Variants in FHIT observed in about 807,000 individuals in gnomAD.
FHIT encodes the protein fragile histidine triad diadenosine triphosphatase, also known as bis(5'-adenosyl)-triphosphatase.
A neutral mutation model predicts 17.9 loss-of-function variants in FHIT; 19 were observed. The ratio of observed to expected loss-of-function variants is 1.06; its 90% CI spans 0.74 to 1.56. The LOEUF (loss-of-function observed/expected upper bound fraction) is 1.56, where lower values mean the gene tolerates loss of function less well. Ranked by LOEUF, FHIT falls within the 40% of genes most tolerant of loss-of-function variation. The pLI, the probability that FHIT is intolerant of heterozygous loss-of-function variation, is 0.00. For missense variants in FHIT, 248 were observed against 189.2 expected, an observed-to-expected ratio of 1.31 and a Z score of -1.82; for synonymous variants, 81 against 69.7, an observed-to-expected ratio of 1.16 and a Z score of -0.81.
intron 8 of FHIT, among the ~76,000 whole-genome samples, chr3:59,849,992 G>C (rs577678303): frequency 5.3e-5 from 8 of 152,166 alleles, no homozygotes; most frequent in African/African-American, 1.9e-4. Flanking sequence ...GTCATGCTGG[G>C]TTTTTTTCCA....
At chr3:59,771,406 A>G (rs1211055560) in intron 8 of FHIT, among the ~76,000 whole-genome samples, 1 of 152,214 alleles carries the variant, frequency 6.6e-6, no homozygotes, top group East Asian at 1.9e-4. Context: ...TTCTCCAAGA[A>G]TATCTCCTGG....
At chr3:61,023,351 A>G (rs2032557767) in intron 3 of FHIT, among the ~76,000 whole-genome samples, 1 of 152,212 alleles carries the variant, frequency 6.6e-6, no homozygotes, top group Non-Finnish European at 1.5e-5. Context: ...AGAGGACACA[A>G]AAAAATGGAA....
At chr3:61,013,585 G>A (rs2031915536) in intron 3 of FHIT, among the ~76,000 whole-genome samples, 2 of 152,042 alleles carry the variant, frequency 1.3e-5, no homozygotes, top group African/African-American at 4.8e-5. Flanking sequence ...TTACAAATAT[G>A]TTATCTAGTC....
At chr3:60,486,159 T>C (rs375184191) in intron 5 of FHIT, among the ~76,000 whole-genome samples, 2 of 152,186 alleles carry the variant, frequency 1.3e-5, no homozygotes, top group South Asian at 2.1e-4. Flanking sequence ...CTCAATTTGA[T>C]AGAGGATACA....
chr3:60,664,708 G>GTT (rs575588178), intron 4 of FHIT, among the ~76,000 whole-genome samples: 170 of 132,392 alleles, frequency 1.3e-3, no homozygotes, highest in African/African-American at 4.3e-3. Flanking sequence ...AGTTTAGCTA[G>GTT]TTTTTTTTTT....
At chr3:59,750,443 G>C (rs1159596479) in intron 9 of FHIT, 1 of 224,334 alleles carries the variant, frequency 4.5e-6, no homozygotes, top group African/African-American at 2.2e-5. Context: ...GGAACAGAAA[G>C]AGGTTTGTAG....
intron 5 of FHIT, among the ~76,000 whole-genome samples, chr3:60,370,496 A>G (rs914008283): frequency 1.3e-5 from 2 of 152,132 alleles, no homozygotes; most frequent in African/African-American, 4.8e-5. Flanking sequence ...ATTCATCTAG[A>G]TATCCACCTT....
intron 3 of FHIT, among the ~76,000 whole-genome samples, chr3:60,883,202 T>A (rs971417224): frequency 2.0e-5 from 3 of 152,044 alleles, no homozygotes; most frequent in African/African-American, 7.2e-5. Context: ...AGGACACTGA[T>A]AAAAGAAATT....
chr3:59,970,454 C>T (rs1374780123), intron 7 of FHIT, among the ~76,000 whole-genome samples: 2 of 152,030 alleles, frequency 1.3e-5, no homozygotes, highest in East Asian at 3.9e-4. Context: ...GGAAGCAGCA[C>T]CAGTTCCCCC....
chr3:59,885,723 T>G (rs1300258113), intron 8 of FHIT, among the ~76,000 whole-genome samples: 1 of 152,192 alleles, frequency 6.6e-6, no homozygotes, highest in East Asian at 1.9e-4. Flanking sequence ...CTCTGACTTC[T>G]TTCCATGTAA....
chr3:60,448,129 G>C (rs7642636), intron 5 of FHIT, among the ~76,000 whole-genome samples: 5 of 152,034 alleles, frequency 3.3e-5, no homozygotes, highest in Non-Finnish European at 5.9e-5. Flanking sequence ...AATTGCTCTC[G>C]GATTATAACG....
chr3:60,465,920 A>T (rs1162066482), intron 5 of FHIT, among the ~76,000 whole-genome samples: 5 of 152,202 alleles, frequency 3.3e-5, no homozygotes, highest in African/African-American at 1.2e-4. Flanking sequence ...TATTTTCATG[A>T]AGAATGTCAT....
intron 3 of FHIT, among the ~76,000 whole-genome samples, chr3:61,035,118 G>A (rs1158554201): frequency 6.6e-6 from 1 of 152,106 alleles, no homozygotes. Flanking sequence ...AATACAGATT[G>A]GTGGCTGACA....
At chr3:60,464,195 G>C (rs542627272) in intron 5 of FHIT, among the ~76,000 whole-genome samples, 41 of 152,126 alleles carry the variant, frequency 2.7e-4, no homozygotes, top group Non-Finnish European at 5.1e-4. Context: ...GGTATTTCTA[G>C]GTTCCCCTGC....
chr3:60,115,911 A>G (rs925463173), intron 5 of FHIT, among the ~76,000 whole-genome samples: 7 of 152,134 alleles, frequency 4.6e-5, no homozygotes, highest in African/African-American at 1.7e-4. Flanking sequence ...GGAATTTTTT[A>G]AAGCACTGGA....
chr3:60,101,952 G>C (rs6783062), intron 5 of FHIT, among the ~76,000 whole-genome samples: 4,491 of 152,222 alleles, frequency 0.03, 174 homozygotes, highest in East Asian at 0.18. Context: ...CCTCACTCAA[G>C]TCTAATTCTG....
At chr3:59,961,611 G>A (rs1017582635) in intron 7 of FHIT, among the ~76,000 whole-genome samples, 6 of 152,124 alleles carry the variant, frequency 3.9e-5, no homozygotes, top group Non-Finnish European at 8.8e-5. Context: ...TATCTGGGCT[G>A]GAGCGCACCA....
chr3:59,819,004 A>T (rs911826826), intron 8 of FHIT, among the ~76,000 whole-genome samples: 2 of 152,222 alleles, frequency 1.3e-5, no homozygotes, highest in Non-Finnish European at 1.5e-5. Context: ...AAAAAGAAAC[A>T]TCCTGGAGAA....
chr3:60,157,445 T>C (rs1700751419), intron 5 of FHIT, among the ~76,000 whole-genome samples: 2 of 152,200 alleles, frequency 1.3e-5, no homozygotes, highest in African/African-American at 4.8e-5. Context: ...TGACCTCTTA[T>C]GTCCCTTCTA....
Sources: gnomAD v4.1 joint callset for allele counts (sites outside exome capture counted in the v4.1 genomes callset) on GRCh38, gnomAD v4.1.1 for gene constraint, MANE v1.5 for transcripts, NCBI Gene and HGNC (gene_info 2026-07-23, HGNC 2026-07-21) for gene names.